WWTR1: variants seen among roughly 807,000 people sequenced by gnomAD.
WWTR1 encodes the protein WW domain containing transcription regulator 1.
In WWTR1, 13 loss-of-function variants were observed where a neutral mutation model predicts 40.1. The ratio of observed to expected loss-of-function variants is 0.32; its 90% CI spans 0.21 to 0.52. The LOEUF (loss-of-function observed/expected upper bound fraction) is 0.52, where lower values mean the gene tolerates loss of function less well. Among genes scored for constraint, WWTR1 ranks in the 20% least tolerant of loss-of-function variants. WWTR1 has a pLI of 0.97. For synonymous variants in WWTR1, 230 were observed against 210.1 expected (o/e 1.09, Z -0.82); for missense variants, 436 against 523.1 (o/e 0.83, Z 1.63).
intron 6 of WWTR1, among the ~76,000 whole-genome samples, chr3:149,521,440 T>G (rs890082044): frequency 6.6e-6 from 1 of 152,232 alleles, no homozygotes. Flanking sequence ...TCTTCATTGA[T>G]GACTTTAGGC....
At chr3:149,675,219 T>C (rs184827771) in intron 1 of WWTR1, among the ~76,000 whole-genome samples, 2 of 152,396 alleles carry the variant, frequency 1.3e-5, no homozygotes, top group Admixed American at 1.3e-4. Context: ...AAGCCAATCA[T>C]GACAACCCTA....
At chr3:149,533,893 G>T (rs1311671375) in intron 4 of WWTR1, among the ~76,000 whole-genome samples, 1 of 150,570 alleles carries the variant, frequency 6.6e-6, no homozygotes, top group African/African-American at 2.4e-5. Context: ...GGTGTGGGAG[G>T]CAGAGATACT....
At chr3:149,702,742 T>C (rs1715221132) in intron 1 of WWTR1, 1 of 152,202 alleles carries the variant, frequency 6.6e-6, no homozygotes, top group South Asian at 2.1e-4. Context: ...TCAGTTCTCC[T>C]TTGACCATAG....
chr3:149,708,500 T>C (rs1488528106), intron 5 of WWTR1, among the ~76,000 whole-genome samples: 1 of 152,186 alleles, frequency 6.6e-6, no homozygotes, highest in Non-Finnish European at 1.5e-5. Context: ...CTGCTTCTGG[T>C]AGCCACCATT....
chr3:149,523,379 G>T (rs1735152785), intron 6 of WWTR1, among the ~76,000 whole-genome samples: 1 of 152,130 alleles, frequency 6.6e-6, no homozygotes, highest in Non-Finnish European at 1.5e-5. Context: ...TTCCCGAGTG[G>T]CTGGGATCAC....
chr3:149,597,868 A>T (rs1208226372), intron 2 of WWTR1, among the ~76,000 whole-genome samples: 1 of 152,212 alleles, frequency 6.6e-6, no homozygotes, highest in Non-Finnish European at 1.5e-5. Context: ...TTAAATGCAC[A>T]AGAGAGGTCA....
chr3:149,593,457 T>G (rs1409008627), intron 2 of WWTR1, among the ~76,000 whole-genome samples: 1 of 152,132 alleles, frequency 6.6e-6, no homozygotes, highest in African/African-American at 2.4e-5. Flanking sequence ...CAGAAATATT[T>G]GACTGTTTAT....
Position 149,543,580 on chromosome 3 carries a change from C to CAAAAAAAAAAAAAA in WWTR1, c.569-1057_569-1044dup, listed in dbSNP as rs755442408. On this transcript the variant is annotated intron_variant, in intron 3 of 6. Transcript: ENST00000360632. ...CTGGTGACAAAGAAAGACTCTGTCTCAAAAAAAAAAAAAAAAAAAAAAAGA... is the reference window on the plus strand; with the variant it reads ...CTGGTGACAAAGAAAGACTCTGTCTCAAAAAAAAAAAAAAAAAAAAAAAAAAAAAAAAAAAAAGA... Among the ~76,000 whole-genome samples the CAAAAAAAAAAAAAA allele has an allele frequency of 2.5e-3, 78 of 31,224 alleles. 7 individuals are homozygous for CAAAAAAAAAAAAAA. The highest frequency in any genetic ancestry group is 6.2e-3 in the East Asian group (5 of 802). 20.5% of individuals were successfully genotyped at this position (31,224 alleles called of 152,430 possible).
At chr3:149,607,974 G>A (rs544373798) in intron 2 of WWTR1, among the ~76,000 whole-genome samples, 13 of 152,180 alleles carry the variant, frequency 8.5e-5, no homozygotes, top group Non-Finnish European at 1.5e-4. Flanking sequence ...TGCAAGTTTC[G>A]TGAGGGCAAA....
At chr3:149,590,608 T>G (rs1302857673) in intron 2 of WWTR1, among the ~76,000 whole-genome samples, 3 of 152,112 alleles carry the variant, frequency 2.0e-5, no homozygotes, top group African/African-American at 7.2e-5. Flanking sequence ...ATCATGCCAT[T>G]GCACTCCAGC....
At chr3:149,582,370 A>T (rs1738188221) in intron 2 of WWTR1, among the ~76,000 whole-genome samples, 1 of 152,078 alleles carries the variant, frequency 6.6e-6, no homozygotes, top group Non-Finnish European at 1.5e-5. Flanking sequence ...CGTTGCAAAC[A>T]ATTTTATTAT....
chr3:149,566,023 T>C lies in WWTR1; in HGVS notation c.568+6841A>G, dbSNP rs1737310323. Among the ~76,000 whole-genome samples the C allele has an allele frequency of 2.0e-5, 3 of 150,342 alleles. No homozygotes were observed. The South Asian group carries it at 6.3e-4, about 32-fold the overall frequency. The stretch of plus-strand genomic sequence containing the variant: ...TAACTAGAGTGTATTTGACAATAGA[T>C]AGCTTCCTCAAAATCTAAGAAAATT... On this transcript the variant is annotated intron_variant, in intron 3 of 6. Transcript: ENST00000360632.
chr3:149,714,333 G>A (rs1179441213), intron 5 of WWTR1, among the ~76,000 whole-genome samples: 1 of 152,202 alleles, frequency 6.6e-6, no homozygotes, highest in African/African-American at 2.4e-5. Context: ...GCAGAACCAG[G>A]CATCTCTGAA....
In WWTR1 at chr3:149,542,184, C is replaced by G. The variant is rs1736135441; in HGVS notation, c.771+151G>C. ...GCAGGCAGAACACTGAGAGAAGAAACTGGATTTTAATCAAGAGGCTTGGAG... is the reference window on the plus strand; with the variant it reads ...GCAGGCAGAACACTGAGAGAAGAAAGTGGATTTTAATCAAGAGGCTTGGAG... On this transcript the variant is annotated intron_variant, in intron 4 of 6. Coordinates refer to ENST00000360632, the MANE Select transcript of WWTR1 (RefSeq NM_015472.6). 9 of 926,776 alleles carry G rather than the reference C, an allele frequency of 9.7e-6. No homozygotes were observed. In the Admixed American group the frequency reaches 2.4e-4, roughly 25 times the overall value. 57.4% of individuals were successfully genotyped at this position (926,776 alleles called of 1,614,324 possible).
At chr3:149,604,348 T>G (rs911925623) in intron 2 of WWTR1, among the ~76,000 whole-genome samples, 12 of 152,104 alleles carry the variant, frequency 7.9e-5, no homozygotes, top group African/African-American at 2.9e-4. Flanking sequence ...GCACAGGACT[T>G]TAAGGGCACA....
chr3:149,578,042 T>C (rs1190341821), intron 2 of WWTR1, among the ~76,000 whole-genome samples: 1 of 115,262 alleles, frequency 8.7e-6, no homozygotes, highest in African/African-American at 3.3e-5. Flanking sequence ...ATCCATTCAC[T>C]ATCTCACCTC....
chr3:149,527,034 T>C (rs1226792816), intron 5 of WWTR1, among the ~76,000 whole-genome samples: 1 of 152,226 alleles, frequency 6.6e-6, no homozygotes, highest in Non-Finnish European at 1.5e-5. Context: ...TCCCCAGTGA[T>C]AACATCTTAC....
At chr3:149,571,617 C>A (rs1362818593) in intron 3 of WWTR1, among the ~76,000 whole-genome samples, 1 of 152,200 alleles carries the variant, frequency 6.6e-6, no homozygotes, top group Non-Finnish European at 1.5e-5. Flanking sequence ...GAAGAACTGA[C>A]ACTTGAAGCT....
chr3:149,631,942 A>G (rs1711563832), intron 2 of WWTR1, among the ~76,000 whole-genome samples: 1 of 152,118 alleles, frequency 6.6e-6, no homozygotes, highest in African/African-American at 2.4e-5. Flanking sequence ...TCATTTAGAG[A>G]CAGGATCTCA....
Sources: gnomAD v4.1 joint callset for allele counts (sites outside exome capture counted in the v4.1 genomes callset) on GRCh38, gnomAD v4.1.1 for gene constraint, MANE v1.5 for transcripts, NCBI Gene and HGNC (gene_info 2026-07-23, HGNC 2026-07-21) for gene names.